CNTNAP5: variants seen among roughly 807,000 people sequenced by gnomAD.
CNTNAP5 encodes the protein contactin associated protein family member 5, also known as contactin-associated protein-like 5.
In CNTNAP5, 72 loss-of-function variants were observed where a neutral mutation model predicts 150.2. The ratio of observed to expected loss-of-function variants is 0.48; its 90% CI spans 0.40 to 0.58. CNTNAP5 has a LOEUF of 0.58. Among genes scored for constraint, CNTNAP5 ranks in the 20% least tolerant of loss-of-function variants. CNTNAP5 has a pLI of 0.00. For missense variants in CNTNAP5, 1,636 were observed against 1,626.2 expected (o/e 1.01, Z -0.10); for synonymous variants, 672 against 619.8 (o/e 1.08, Z -1.25).
At chr2:124,382,456 G>A (rs1209565531) in intron 3 of CNTNAP5, among the ~76,000 whole-genome samples, 1 of 152,100 alleles carries the variant, frequency 6.6e-6, no homozygotes, top group African/African-American at 2.4e-5. Flanking sequence ...GCATCACTGG[G>A]TGGTTTTAAA....
rs886844217 is a variant in CNTNAP5 at position 124,798,693 on chromosome 2, T to C, written c.3217+373T>C. 2.6e-5 allele frequency among the ~76,000 whole-genome samples: 4 copies of C among 152,226 alleles called. No homozygotes were observed. In the East Asian group the frequency reaches 7.7e-4, roughly 29 times the overall value. ...TCATCTTTGCTTCAGTCTTCTTTAC[T>C]GAGGGCTGTTAAAACAATGAGCATA... On this transcript the variant is annotated intron_variant, in intron 19 of 23. Coordinates refer to ENST00000682447, the MANE Select transcript of CNTNAP5 (RefSeq NM_001367498.1).
intron 1 of CNTNAP5, among the ~76,000 whole-genome samples, chr2:124,060,518 G>T (rs1408614448): frequency 1.3e-5 from 2 of 152,182 alleles, no homozygotes; most frequent in Non-Finnish European, 2.9e-5. Context: ...TCAACAGTTT[G>T]AACTACAAGT....
intron 18 of CNTNAP5, among the ~76,000 whole-genome samples, chr2:124,797,039 ACT>A (rs1316369924): frequency 1.3e-5 from 2 of 152,176 alleles, no homozygotes; most frequent in African/African-American, 4.8e-5. Flanking sequence ...CTCTTCTAAC[ACT>A]CTGTAAGTTC....
chr2:124,317,755 A>G (rs1040599095), intron 3 of CNTNAP5, among the ~76,000 whole-genome samples: 7 of 152,220 alleles, frequency 4.6e-5, no homozygotes, highest in Non-Finnish European at 7.3e-5. Context: ...CTGATTTAAA[A>G]TACACATACA....
At chr2:124,722,285 C>T (rs1289325638) in intron 13 of CNTNAP5, among the ~76,000 whole-genome samples, 2 of 152,068 alleles carry the variant, frequency 1.3e-5, no homozygotes, top group Non-Finnish European at 2.9e-5. Context: ...AGGCCCAAAT[C>T]TCATTAAAAT....
intron 12 of CNTNAP5, among the ~76,000 whole-genome samples, chr2:124,641,626 T>C (rs1289871215): frequency 6.6e-6 from 1 of 152,162 alleles, no homozygotes; most frequent in Non-Finnish European, 1.5e-5. Context: ...TTTGTCAACA[T>C]AGATAACTAC....
intron 10 of CNTNAP5, among the ~76,000 whole-genome samples, chr2:124,559,640 C>T (rs1447577751): frequency 6.6e-6 from 1 of 152,238 alleles, no homozygotes; most frequent in Non-Finnish European, 1.5e-5. Flanking sequence ...ACTCTTTCCA[C>T]TTCCCAGTTC....
At chr2:124,577,630 A>G (rs1399919961) in intron 11 of CNTNAP5, among the ~76,000 whole-genome samples, 1 of 152,182 alleles carries the variant, frequency 6.6e-6, no homozygotes, top group Admixed American at 6.5e-5. Context: ...GAGATGGGTT[A>G]TATACTAAGA....
At chr2:124,653,458 T>A (rs1006455297) in intron 13 of CNTNAP5, among the ~76,000 whole-genome samples, 2 of 151,580 alleles carry the variant, frequency 1.3e-5, no homozygotes, top group Non-Finnish European at 2.9e-5. Flanking sequence ...CAATATATGA[T>A]GTATATACTA....
intron 6 of CNTNAP5, among the ~76,000 whole-genome samples, chr2:124,459,432 CA>C (rs2104819043): frequency 6.6e-6 from 1 of 152,204 alleles, no homozygotes; most frequent in African/African-American, 2.4e-5. Flanking sequence ...CTGCATAATA[CA>C]AAATTGTTTA....
At chr2:124,212,829 CTTTTTTTTT>C (rs66534077) in intron 1 of CNTNAP5, among the ~76,000 whole-genome samples, 2 of 62,872 alleles carry the variant, frequency 3.2e-5, no homozygotes, top group African/African-American at 7.2e-5. Flanking sequence ...GTAGATAAAT[CTTTTTTTTT>C]TTTTTTTTTT....
At chr2:124,319,973 A>C (rs544665428) in intron 3 of CNTNAP5, among the ~76,000 whole-genome samples, 1 of 152,298 alleles carries the variant, frequency 6.6e-6, no homozygotes, top group East Asian at 1.9e-4. Flanking sequence ...TCCCTTCTCT[A>C]CTTCCTCCAA....
At chr2:124,245,541 G>A (rs1686994624) in intron 3 of CNTNAP5, among the ~76,000 whole-genome samples, 1 of 151,616 alleles carries the variant, frequency 6.6e-6, no homozygotes, top group African/African-American at 2.4e-5. Context: ...CTGGCTTAAA[G>A]GTGGTTTATC....
At chr2:124,234,226 C>T (rs1686692135) in intron 2 of CNTNAP5, among the ~76,000 whole-genome samples, 1 of 152,126 alleles carries the variant, frequency 6.6e-6, no homozygotes, top group Non-Finnish European at 1.5e-5. Flanking sequence ...CTAACAATCT[C>T]TTAGTCCTGA....
intron 3 of CNTNAP5, among the ~76,000 whole-genome samples, chr2:124,249,875 T>TGCTA (rs1482189829): frequency 6.6e-6 from 1 of 152,172 alleles, no homozygotes; most frequent in Non-Finnish European, 1.5e-5. Context: ...TAGTCAATGA[T>TGCTA]GCTAGCTAGG....
intron 3 of CNTNAP5, among the ~76,000 whole-genome samples, chr2:124,324,417 G>A (rs1299468287): frequency 6.6e-6 from 1 of 152,204 alleles, no homozygotes; most frequent in Non-Finnish European, 1.5e-5. Context: ...ATAGGTCTGA[G>A]AGACATCAAA....
intron 13 of CNTNAP5, among the ~76,000 whole-genome samples, chr2:124,713,374 T>TCTTC (rs1679877757): frequency 7.6e-6 from 1 of 131,430 alleles, no homozygotes; most frequent in East Asian, 2.5e-4. Flanking sequence ...TTTCTTTCTT[T>TCTTC]CTTTCTTCTC....
intron 12 of CNTNAP5, among the ~76,000 whole-genome samples, chr2:124,636,408 G>C (rs530187838): frequency 6.6e-6 from 1 of 151,944 alleles, no homozygotes; most frequent in Admixed American, 6.6e-5. Context: ...TGGTTTCTTG[G>C]TGTTTCTGGG....
At chr2:124,785,329 T>C (rs1461846972) in intron 17 of CNTNAP5, among the ~76,000 whole-genome samples, 1 of 152,196 alleles carries the variant, frequency 6.6e-6, no homozygotes, top group Non-Finnish European at 1.5e-5. Flanking sequence ...AGAATTGCCA[T>C]GCAAGAAAGC....
Sources: gnomAD v4.1 joint callset for allele counts (sites outside exome capture counted in the v4.1 genomes callset) on GRCh38, gnomAD v4.1.1 for gene constraint, MANE v1.5 for transcripts, NCBI Gene and HGNC (gene_info 2026-07-23, HGNC 2026-07-21) for gene names.